TEAD1: variants seen among roughly 807,000 people sequenced by gnomAD.
The protein encoded by TEAD1 is transcriptional enhancer factor TEF-1.
A neutral mutation model predicts 54.9 loss-of-function variants in TEAD1; 9 were observed. That is an observed-to-expected ratio of 0.16 (90% CI 0.10 to 0.29). The LOEUF (loss-of-function observed/expected upper bound fraction) is 0.29. TEAD1 is among the 10% of genes least tolerant of loss of function. The probability of loss-of-function intolerance (pLI) is 1.00; values close to 1 mark genes in which losing one functional copy is unlikely to be tolerated. For synonymous variants in TEAD1, 200 were observed against 187.8 expected (o/e 1.07, Z -0.53); for missense variants, 387 against 535.9 (o/e 0.72, Z 2.74).
At chr11:12,719,109 G>A (rs1387974087) in intron 2 of TEAD1, among the ~76,000 whole-genome samples, 1 of 151,948 alleles carries the variant, frequency 6.6e-6, no homozygotes, top group Non-Finnish European at 1.5e-5. Flanking sequence ...GACATTTCCA[G>A]GAATCAGGAC....
In TEAD1 at chr11:12,942,431, A is replaced by C. The variant is rs1391269498; in HGVS notation, c.*5209A>C. On this transcript the variant is annotated 3_prime_UTR_variant, in exon 13 of 13. Transcript: ENST00000527636. Reference sequence around the variant, plus strand: ...GGGGGCCTCCCAACATCCATAGCACACTTCAGCGGAAGGACCCCAGAAACT... The same window carrying C: ...GGGGGCCTCCCAACATCCATAGCACCCTTCAGCGGAAGGACCCCAGAAACT... 6.6e-6 allele frequency: 1 copy of C among 152,168 alleles called. No individual in the cohort carries two copies. The highest frequency in any genetic ancestry group is 2.4e-5 in the African/African-American group (1 of 41,442). 9.4% of individuals were successfully genotyped at this position (152,168 alleles called of 1,614,324 possible).
chr11:12,877,253 G>A (rs190348041), intron 5 of TEAD1, among the ~76,000 whole-genome samples: 65 of 152,286 alleles, frequency 4.3e-4, no homozygotes, highest in Non-Finnish European at 6.6e-4. Context: ...ACTCGGCCAC[G>A]GGAGGTGTCA....
chr11:12,719,583 G>A (rs1160270740), intron 2 of TEAD1, among the ~76,000 whole-genome samples: 1 of 142,278 alleles, frequency 7.0e-6, no homozygotes, highest in Non-Finnish European at 1.5e-5. Context: ...TTGGGGGGAG[G>A]GGGGGCGGGG....
At chr11:12,835,341 G>A (rs1170089257) in intron 3 of TEAD1, among the ~76,000 whole-genome samples, 1 of 152,116 alleles carries the variant, frequency 6.6e-6, no homozygotes, top group African/African-American at 2.4e-5. Context: ...TGGCTCTGAG[G>A]TTGGTTGGTT....
intron 10 of TEAD1, among the ~76,000 whole-genome samples, chr11:12,917,482 T>G (rs1036281072): frequency 6.6e-6 from 1 of 152,212 alleles, no homozygotes; most frequent in Admixed American, 6.5e-5. Context: ...AAAATTAATA[T>G]AACAGAAAAA....
At position 12,690,256 on chromosome 11, in the gene TEAD1, A is replaced by T. The variant is rs922080251; in HGVS notation, c.-55+14695A>T. On this transcript the variant is annotated intron_variant, in intron 2 of 12. Coordinates refer to ENST00000527636, the MANE Select transcript of TEAD1 (RefSeq NM_021961.6). ...GACTCCGTCTCAAAAAAAAAAAAAA[A>T]AAAAAAATAATAAGCCCTTAATGTC... 6.6e-5 allele frequency among the ~76,000 whole-genome samples: 10 copies of T among 151,934 alleles called. No homozygotes were observed. In the East Asian group the frequency reaches 7.7e-4, roughly 12 times the overall value.
intron 2 of TEAD1, among the ~76,000 whole-genome samples, chr11:12,722,490 T>A (rs1944228558): frequency 6.6e-6 from 1 of 152,162 alleles, no homozygotes; most frequent in Non-Finnish European, 1.5e-5. Flanking sequence ...CTGAGAGATA[T>A]GGTTGGAAAG....
intron 2 of TEAD1, among the ~76,000 whole-genome samples, chr11:12,704,050 C>T (rs1178629801): frequency 2.0e-5 from 3 of 152,188 alleles, no homozygotes; most frequent in Non-Finnish European, 2.9e-5. Flanking sequence ...AAGAACTAGA[C>T]TCCTACCAAG....
At chr11:12,686,084 TACC>T in intron 2 of TEAD1, among the ~76,000 whole-genome samples, 1 of 152,170 alleles carries the variant, frequency 6.6e-6, no homozygotes, top group African/African-American at 2.4e-5. Context: ...CATGGCTGAG[TACC>T]TGTTTGCCTG....
chr11:12,713,011 ATTTG>A (rs1319551984), intron 2 of TEAD1, among the ~76,000 whole-genome samples: 2 of 151,904 alleles, frequency 1.3e-5, no homozygotes, highest in African/African-American at 4.8e-5. Flanking sequence ...GGGCCTGTGC[ATTTG>A]TTTGTTTGTT....
At chr11:12,743,602 T>C (rs1944689149) in intron 2 of TEAD1, among the ~76,000 whole-genome samples, 1 of 152,204 alleles carries the variant, frequency 6.6e-6, no homozygotes, top group Admixed American at 6.5e-5. Context: ...ATCTTGGTAA[T>C]TGCTTCCTAA....
At chr11:12,824,335 C>T (rs1412790875) in intron 3 of TEAD1, among the ~76,000 whole-genome samples, 1 of 152,178 alleles carries the variant, frequency 6.6e-6, no homozygotes, top group Non-Finnish European at 1.5e-5. Flanking sequence ...TTATTCTAGG[C>T]AGGTGCTGTG....
At chr11:12,849,664 C>T (rs1947228086) in intron 3 of TEAD1, among the ~76,000 whole-genome samples, 3 of 152,146 alleles carry the variant, frequency 2.0e-5, no homozygotes, top group Admixed American at 1.3e-4. Context: ...GTTTTTACAA[C>T]AAGAACTAAA....
intron 3 of TEAD1, among the ~76,000 whole-genome samples, chr11:12,814,343 C>T (rs1946369454): frequency 6.6e-6 from 1 of 152,158 alleles, no homozygotes; most frequent in South Asian, 2.1e-4. Context: ...AGAGTTTGTT[C>T]CCTTTGAAAC....
chr11:12,848,034 A>G (rs1283365058), intron 3 of TEAD1, among the ~76,000 whole-genome samples: 1 of 152,196 alleles, frequency 6.6e-6, no homozygotes, highest in Non-Finnish European at 1.5e-5. Context: ...CAGTGGGGTC[A>G]GTGAGCCAGA....
intron 5 of TEAD1, among the ~76,000 whole-genome samples, chr11:12,876,660 G>A (rs558092794): frequency 3.3e-5 from 5 of 152,198 alleles, no homozygotes; most frequent in Admixed American, 6.5e-5. Context: ...CTGTGCTGAG[G>A]AAGGCACCTG....
chr11:12,816,963 T>C (rs1214126261), intron 3 of TEAD1, among the ~76,000 whole-genome samples: 1 of 152,170 alleles, frequency 6.6e-6, no homozygotes, highest in African/African-American at 2.4e-5. Context: ...GAATAGTGTT[T>C]CTTTCCATGT....
At chr11:12,712,336 G>A (rs894314322) in intron 2 of TEAD1, among the ~76,000 whole-genome samples, 1 of 152,074 alleles carries the variant, frequency 6.6e-6, no homozygotes, top group Admixed American at 6.5e-5. Context: ...AATCTTTGCT[G>A]GCATTGCCTC....
chr11:12,834,911 T>C (rs996825974), intron 3 of TEAD1, among the ~76,000 whole-genome samples: 19 of 152,004 alleles, frequency 1.2e-4, no homozygotes, highest in African/African-American at 4.4e-4. Flanking sequence ...TATAGATAAG[T>C]TTTGACTCTG....
Sources: allele counts gnomAD v4.1 joint callset (sites outside exome capture counted in the v4.1 genomes callset), GRCh38; gene constraint gnomAD v4.1.1; transcripts MANE v1.5; gene names NCBI Gene and HGNC (gene_info 2026-07-23, HGNC 2026-07-21).